Variants in PRIM2 observed in about 807,000 individuals in gnomAD.
The protein encoded by PRIM2 is DNA primase large subunit.
In PRIM2, 39 loss-of-function variants were observed where a neutral mutation model predicts 67.3. The ratio of observed to expected loss-of-function variants is 0.58; its 90% confidence interval spans 0.45 to 0.76. The LOEUF (loss-of-function observed/expected upper bound fraction) is 0.76. Ranked by LOEUF, PRIM2 falls within the 30% of genes least tolerant of loss-of-function variation. PRIM2 has a pLI of 0.00. For missense variants in PRIM2, 398 were observed against 598.7 expected (o/e 0.66, Z 3.50); for synonymous variants, 143 against 198.7 (o/e 0.72, Z 2.36).
intron 5 of PRIM2, among the ~76,000 whole-genome samples, chr6:57,378,453 A>G (rs1581844139): frequency 2.6e-5 from 4 of 152,226 alleles, no homozygotes; most frequent in Non-Finnish European, 5.9e-5. Context: ...ATGGTAGCAT[A>G]GTTATTATCT....
intron 5 of PRIM2, among the ~76,000 whole-genome samples, chr6:57,356,931 C>CT (rs761605036): frequency 0.08 from 9,680 of 120,774 alleles, 563 homozygotes; most frequent in Non-Finnish European, 0.1. Context: ...CCAATCCATT[C>CT]TTTTTTTTTT....
chr6:57,224,903 C>A, the PRIM2 span, among the ~76,000 whole-genome samples: 2 of 152,214 alleles, frequency 1.3e-5, no homozygotes, highest in East Asian at 3.8e-4. Context: ...TGCCTAAAAG[C>A]AGGACATAAA....
chr6:57,257,504 C>A, the PRIM2 span, among the ~76,000 whole-genome samples: 1 of 152,196 alleles, frequency 6.6e-6, no homozygotes, highest in African/African-American at 2.4e-5. Flanking sequence ...CTCCCGACCT[C>A]AGGTGATCTG....
intron 10 of PRIM2, among the ~76,000 whole-genome samples, chr6:57,594,334 G>GAAAT (rs1582010211): frequency 6.6e-6 from 1 of 152,132 alleles, no homozygotes; most frequent in Non-Finnish European, 1.5e-5. Flanking sequence ...AATTTATATG[G>GAAAT]AAATGCAAGG....
At chr6:57,478,740 A>T (rs1773543426) in intron 7 of PRIM2, among the ~76,000 whole-genome samples, 1 of 151,276 alleles carries the variant, frequency 6.6e-6, no homozygotes, top group Non-Finnish European at 1.5e-5. Context: ...CAAGCTCTTT[A>T]ACATCTCTGA....
chr6:57,325,095 C>T (rs1319867766), intron 4 of PRIM2, among the ~76,000 whole-genome samples: 1 of 151,880 alleles, frequency 6.6e-6, no homozygotes, highest in African/African-American at 2.4e-5. Context: ...AACGTTATTG[C>T]TTTTAAATAT....
intron 8 of PRIM2, among the ~76,000 whole-genome samples, chr6:57,530,222 A>C (rs1484717678): frequency 6.6e-6 from 1 of 152,258 alleles, no homozygotes; most frequent in Non-Finnish European, 1.5e-5. Context: ...TCTCAAAAAA[A>C]GGTGCTTTCA....
intron 10 of PRIM2, among the ~76,000 whole-genome samples, chr6:57,545,616 TAG>T (rs1775273466): frequency 6.6e-6 from 1 of 152,030 alleles, no homozygotes; most frequent in African/African-American, 2.4e-5. Flanking sequence ...GTATTTTTAG[TAG>T]AGGTGGGGTT....
At chr6:57,365,624 G>A (rs4715669) in intron 5 of PRIM2, among the ~76,000 whole-genome samples, 126,868 of 152,138 alleles carry the variant, frequency 0.83, 53,431 homozygotes, top group African/African-American at 0.95. Context: ...CATAGTTTGT[G>A]TATTTCAGTC....
chr6:57,590,111 A>G (rs1304125119), intron 10 of PRIM2, among the ~76,000 whole-genome samples: 1 of 152,202 alleles, frequency 6.6e-6, no homozygotes, highest in African/African-American at 2.4e-5. Flanking sequence ...GCTTCAGACA[A>G]TGTAATCAGA....
the PRIM2 span, among the ~76,000 whole-genome samples, chr6:57,295,662 G>A: frequency 6.6e-6 from 1 of 152,192 alleles, no homozygotes; most frequent in Non-Finnish European, 1.5e-5. Context: ...AGGAGGGCCT[G>A]TTTTACTCCT....
chr6:57,578,634 C>T (rs1197975831), intron 10 of PRIM2, among the ~76,000 whole-genome samples: 1 of 151,568 alleles, frequency 6.6e-6, no homozygotes, highest in Non-Finnish European at 1.5e-5. Flanking sequence ...CAGATTGGCT[C>T]CTGTGCTTTC....
chr6:57,231,315 C>T, the PRIM2 span, among the ~76,000 whole-genome samples: 5 of 152,142 alleles, frequency 3.3e-5, no homozygotes, highest in Non-Finnish European at 7.4e-5. Flanking sequence ...TTAGGTTTCT[C>T]TTCCTGTGGT....
chr6:57,254,021 A>G, the PRIM2 span, among the ~76,000 whole-genome samples: 2 of 152,158 alleles, frequency 1.3e-5, no homozygotes. Context: ...CAACTTCTAA[A>G]CCAAGAATTG....
At chr6:57,341,408 A>G (rs556624652) in intron 5 of PRIM2, among the ~76,000 whole-genome samples, 3 of 152,334 alleles carry the variant, frequency 2.0e-5, no homozygotes, top group Admixed American at 2.0e-4. Context: ...AGTATTGCAG[A>G]GGGCTTGACA....
At chr6:57,277,465 A>G in the PRIM2 span, among the ~76,000 whole-genome samples, 1 of 152,206 alleles carries the variant, frequency 6.6e-6, no homozygotes, top group Non-Finnish European at 1.5e-5. Context: ...GGGAGATGGA[A>G]TGAGTCCCTG....
At chr6:57,445,289 A>G (rs200455500) in intron 7 of PRIM2, among the ~76,000 whole-genome samples, 1 of 152,126 alleles carries the variant, frequency 6.6e-6, no homozygotes, top group Non-Finnish European at 1.5e-5. Context: ...CTATCAGGGG[A>G]CAGAGTTAGG....
intron 5 of PRIM2, among the ~76,000 whole-genome samples, chr6:57,366,901 G>A (rs1229343185): frequency 6.6e-6 from 1 of 152,194 alleles, no homozygotes; most frequent in Non-Finnish European, 1.5e-5. Context: ...GAGATAGCAA[G>A]GAGGTAGAGG....
intron 10 of PRIM2, among the ~76,000 whole-genome samples, chr6:57,550,126 A>C (rs1300917036): frequency 1.3e-5 from 2 of 152,090 alleles, no homozygotes; most frequent in Non-Finnish European, 2.9e-5. Context: ...TTGCAAAAAT[A>C]GTCTAATCTT....
Sources: allele counts gnomAD v4.1 joint callset (sites outside exome capture counted in the v4.1 genomes callset), GRCh38; gene constraint gnomAD v4.1.1; transcripts MANE v1.5; gene names NCBI Gene and HGNC (gene_info 2026-07-23, HGNC 2026-07-21).